The following PRKG1 variants were observed in gnomAD, a reference collection of about 807,000 sequenced individuals.
PRKG1 encodes the protein protein kinase cGMP-dependent 1, also known as cGMP-dependent protein kinase 1.
PRKG1 carries 35 observed loss-of-function variants against 88.1 expected under a neutral mutation model. The ratio of observed to expected loss-of-function variants is 0.40; its 90% CI spans 0.30 to 0.53. The LOEUF is 0.53. Ranked by LOEUF, PRKG1 falls within the 20% of genes least tolerant of loss-of-function variation. PRKG1 has a pLI of 0.59. For synonymous variants in PRKG1, 303 were observed against 292.5 expected, an observed-to-expected ratio of 1.04 and a Z score of -0.37; for missense variants, 540 against 839.8, an observed-to-expected ratio of 0.64 and a Z score of 4.41.
At chr10:51,386,654 C>G (rs943868198) in intron 2 of PRKG1, among the ~76,000 whole-genome samples, 1 of 152,124 alleles carries the variant, frequency 6.6e-6, no homozygotes, top group African/African-American at 2.4e-5. Flanking sequence ...CTCTACTCAG[C>G]CTACCAATTC....
intron 2 of PRKG1, among the ~76,000 whole-genome samples, chr10:51,186,957 TATATA>T (rs1837505252): frequency 1.6e-4 from 7 of 44,974 alleles, no homozygotes; most frequent in Non-Finnish European, 3.6e-4. Flanking sequence ...CCCTGTGTTA[TATATA>T]TATATATATA....
chr10:51,149,463 A>G (rs1277287042), intron 1 of PRKG1, among the ~76,000 whole-genome samples: 1 of 152,036 alleles, frequency 6.6e-6, no homozygotes, highest in Non-Finnish European at 1.5e-5. Flanking sequence ...TCTGTCAAGT[A>G]TTTTTTCTTT....
intron 1 of PRKG1, among the ~76,000 whole-genome samples, chr10:51,045,791 T>G (rs951425143): frequency 1.3e-5 from 2 of 152,204 alleles, no homozygotes; most frequent in African/African-American, 4.8e-5. Context: ...CAGAAAGGAT[T>G]CAAAATCTTC....
rs139653146 is a variant in PRKG1 at position 51,197,355 on chromosome 10, C to T, written c.478+44025C>T. ...TGACATGATCTCGGCTCACCGCAAC[C>T]TCTTTCTCCTGTGTTCAAGCGATTC... is the stretch of plus-strand genomic sequence containing the variant. On this transcript the variant is annotated intron_variant, in intron 2 of 17. Transcript: ENST00000373980. Among the ~76,000 whole-genome samples, 253 of 152,164 alleles carry T rather than the reference C, an allele frequency of 1.7e-3. 2 individuals carry two copies. The highest frequency in any genetic ancestry group is 5.9e-3 in the African/African-American group (246 of 41,518).
chr10:52,098,088 G>A (rs10824034), intron 7 of PRKG1, among the ~76,000 whole-genome samples: 34,941 of 152,008 alleles, frequency 0.23, 4,222 homozygotes, highest in South Asian at 0.35. Flanking sequence ...CAGTTGCAAA[G>A]TTAAAAGGAA....
chr10:52,004,850 C>T (rs550081641), intron 5 of PRKG1, among the ~76,000 whole-genome samples: 1 of 152,144 alleles, frequency 6.6e-6, no homozygotes, highest in South Asian at 2.1e-4. Flanking sequence ...TTGCTTGAGC[C>T]CAGGAGGTCG....
At position 51,483,244 on chromosome 10, in the gene PRKG1, A is replaced by T. The variant is rs539796636; in HGVS notation, c.592+15408A>T. 4.4e-4 allele frequency among the ~76,000 whole-genome samples: 67 copies of T among 151,634 alleles called. No homozygotes were observed. The Middle Eastern group carries it at 0.014, about 31-fold the overall frequency. ...ATTATGTTGGCCAGGCTAGTCTCAA[A>T]CTCCTGACCTCAGTGATCCACATGC... On this transcript the variant is annotated intron_variant, in intron 3 of 17. Transcript: ENST00000373980.
chr10:52,060,545 A>C (rs1846212794), intron 6 of PRKG1, among the ~76,000 whole-genome samples: 1 of 151,906 alleles, frequency 6.6e-6, no homozygotes, highest in African/African-American at 2.4e-5. Flanking sequence ...CAAAAGAAGC[A>C]CAAGTGGCTC....
At chr10:51,390,364 C>A (rs1399145697) in intron 2 of PRKG1, among the ~76,000 whole-genome samples, 1 of 152,162 alleles carries the variant, frequency 6.6e-6, no homozygotes, top group Non-Finnish European at 1.5e-5. Flanking sequence ...ACATTCATGA[C>A]ATGCGTATAT....
chr10:51,616,189 C>T (rs775157907), intron 3 of PRKG1, among the ~76,000 whole-genome samples: 7 of 152,202 alleles, frequency 4.6e-5, no homozygotes, highest in Non-Finnish European at 1.0e-4. Flanking sequence ...CTGCAGGCCC[C>T]ACTGGTGGCA....
Position 51,838,932 on chromosome 10 carries a change from AGCTGTATAATG to A in PRKG1, c.698+34256_698+34266del, listed in dbSNP as rs111424915. 8.2e-3 allele frequency among the ~76,000 whole-genome samples: 1,242 copies of A among 152,312 alleles called. 21 individuals carry two copies. The highest frequency in any genetic ancestry group is 0.029 in the African/African-American group (1,198 of 41,578). ...TTACTGTATAATGGCCCATAAATTT[AGCTGTATAATG>A]GCTGTATAATGGCACATACATTTTA... On this transcript the variant is annotated intron_variant, in intron 4 of 17. Coordinates refer to ENST00000373980, the MANE Select transcript of PRKG1 (RefSeq NM_006258.4).
At chr10:52,283,543 T>C (rs1842047483) in intron 14 of PRKG1, among the ~76,000 whole-genome samples, 4 of 152,134 alleles carry the variant, frequency 2.6e-5, no homozygotes, top group Non-Finnish European at 1.5e-5. Context: ...TAGTTGTGTT[T>C]TGATTTTATT....
chr10:51,150,938 T>C lies in PRKG1; in HGVS notation c.312-2226T>C, dbSNP rs117911722. Among the ~76,000 whole-genome samples, 1,111 of 152,074 alleles carry C rather than the reference T, an allele frequency of 7.3e-3. 8 individuals are homozygous for C. Among genetic ancestry groups the C allele is most frequent in the Non-Finnish European group, 0.011 (757 of 67,942 alleles). On this transcript the variant is annotated intron_variant, in intron 1 of 17. Transcript: ENST00000373980. ...TCAATCATGTTTGGATGGCGCTAAT[T>C]ATAATTATGTTCTTGGAAGAGGGCT...
At chr10:51,764,361 T>C (rs1340637454) in intron 3 of PRKG1, among the ~76,000 whole-genome samples, 1 of 152,192 alleles carries the variant, frequency 6.6e-6, no homozygotes, top group Non-Finnish European at 1.5e-5. Flanking sequence ...GCCCTGACTT[T>C]TCTTCAGATC....
chr10:52,178,316 A>G (rs1020083616), intron 9 of PRKG1, among the ~76,000 whole-genome samples: 10 of 152,068 alleles, frequency 6.6e-5, no homozygotes, highest in African/African-American at 1.9e-4. Flanking sequence ...ATAGTTTCAA[A>G]TGTTCCTCCT....
At chr10:52,274,282 T>C (rs1193747750) in intron 12 of PRKG1, among the ~76,000 whole-genome samples, 1 of 145,218 alleles carries the variant, frequency 6.9e-6, no homozygotes, top group Non-Finnish European at 1.5e-5. Context: ...CCCCTCCGAC[T>C]CTTCCCCCCA....
chr10:51,395,433 C>T (rs553369107), intron 2 of PRKG1, among the ~76,000 whole-genome samples: 5 of 152,160 alleles, frequency 3.3e-5, no homozygotes, highest in African/African-American at 9.7e-5. Context: ...TGTTGTCTGT[C>T]CTTAGTTCTT....
intron 1 of PRKG1, among the ~76,000 whole-genome samples, chr10:51,053,776 TTG>T (rs1268892146): frequency 1.4e-4 from 9 of 63,898 alleles, no homozygotes; most frequent in African/African-American, 2.2e-4. Flanking sequence ...TGGGTTTTTT[TTG>T]TTTTTTTTTT....
intron 2 of PRKG1, among the ~76,000 whole-genome samples, chr10:51,261,980 G>A (rs1424936549): frequency 6.8e-6 from 1 of 146,614 alleles, no homozygotes; most frequent in East Asian, 2.0e-4. Flanking sequence ...TCTGCCTCCC[G>A]GGTTCACGCC....
Sources: gnomAD v4.1 joint callset for allele counts (sites outside exome capture counted in the v4.1 genomes callset) on GRCh38, gnomAD v4.1.1 for gene constraint, MANE v1.5 for transcripts, NCBI Gene and HGNC (gene_info 2026-07-23, HGNC 2026-07-21) for gene names.